Variants in RBPMS observed in about 807,000 individuals in gnomAD.
RBPMS encodes RNA binding protein, mRNA processing factor, also known as RNA-binding protein with multiple splicing.
Under a neutral mutation model 26.8 loss-of-function variants are expected in RBPMS, and 7 were observed. The observed-to-expected ratio is 0.26, with a 90% CI of 0.15 to 0.49. The LOEUF is 0.49. Among genes scored for constraint, RBPMS ranks in the 20% least tolerant of loss-of-function variants. RBPMS has a pLI of 0.98. For synonymous variants in RBPMS, 96 were observed against 93.3 expected (o/e 1.03, Z -0.17); for missense variants, 186 against 250.0 (o/e 0.74, Z 1.73).
intron 5 of RBPMS, among the ~76,000 whole-genome samples, chr8:30,523,331 C>T (rs759894290): frequency 2.0e-5 from 3 of 149,910 alleles, no homozygotes; most frequent in African/African-American, 4.9e-5. Flanking sequence ...GAGCTGAGAT[C>T]GTACCACTGC....
intron 1 of RBPMS, among the ~76,000 whole-genome samples, chr8:30,441,623 T>TC (rs925016639): frequency 8.5e-5 from 13 of 152,130 alleles, no homozygotes; most frequent in African/African-American, 2.4e-4. Flanking sequence ...ATTTTTTTTT[T>TC]CCCTCATACT....
chr8:30,530,164 C>T (rs1397095194), intron 5 of RBPMS, among the ~76,000 whole-genome samples: 3 of 152,186 alleles, frequency 2.0e-5, no homozygotes, highest in African/African-American at 7.2e-5. Context: ...CACCATTTGC[C>T]TATTGTACAG....
At chr8:30,427,802 C>T (rs1677187984) in intron 1 of RBPMS, among the ~76,000 whole-genome samples, 1 of 152,078 alleles carries the variant, frequency 6.6e-6, no homozygotes, top group African/African-American at 2.4e-5. Context: ...TGTGACTTGC[C>T]ATCTCTTTGT....
intron 1 of RBPMS, among the ~76,000 whole-genome samples, chr8:30,430,118 A>G (rs1165970015): frequency 1.3e-5 from 2 of 152,136 alleles, no homozygotes; most frequent in Middle Eastern, 3.2e-3. Context: ...CTCTACAAAA[A>G]TACAGAAATT....
intron 5 of RBPMS, among the ~76,000 whole-genome samples, chr8:30,537,323 T>G (rs536987227): frequency 6.6e-6 from 1 of 152,220 alleles, no homozygotes; most frequent in South Asian, 2.1e-4. Flanking sequence ...AATGGAAAAG[T>G]GACTCTGGGC....
At chr8:30,392,908 A>C (rs1807951979) in intron 1 of RBPMS, among the ~76,000 whole-genome samples, 1 of 152,224 alleles carries the variant, frequency 6.6e-6, no homozygotes, top group Non-Finnish European at 1.5e-5. Context: ...TACGATTTTC[A>C]GAACAATTCA....
At chr8:30,410,385 T>A (rs778285140) in intron 1 of RBPMS, among the ~76,000 whole-genome samples, 11 of 151,476 alleles carry the variant, frequency 7.3e-5, no homozygotes, top group Non-Finnish European at 5.9e-5. Flanking sequence ...ATTTTTTGTA[T>A]TTTTAGTAGA....
intron 8 of RBPMS, among the ~76,000 whole-genome samples, chr8:30,569,334 G>A (rs534003727): frequency 2.0e-5 from 3 of 152,318 alleles, no homozygotes; most frequent in African/African-American, 7.2e-5. Flanking sequence ...AAAGGTCTCA[G>A]GAAAATAATG....
At chr8:30,526,030 C>T (rs866294426) in intron 5 of RBPMS, among the ~76,000 whole-genome samples, 1 of 152,248 alleles carries the variant, frequency 6.6e-6, no homozygotes, top group East Asian at 1.9e-4. Context: ...TGATGAAAAG[C>T]CATTTCTGAT....
intron 1 of RBPMS, among the ~76,000 whole-genome samples, chr8:30,457,302 T>C (rs1400153285): frequency 6.6e-6 from 1 of 152,218 alleles, no homozygotes; most frequent in African/African-American, 2.4e-5. Context: ...TCTTTACAGA[T>C]ATATTACAAA....
At chr8:30,460,639 A>C (rs971490941) in intron 1 of RBPMS, among the ~76,000 whole-genome samples, 1 of 152,238 alleles carries the variant, frequency 6.6e-6, no homozygotes, top group Non-Finnish European at 1.5e-5. Context: ...GACTATAGCT[A>C]AGATTTCTTA....
intron 4 of RBPMS, among the ~76,000 whole-genome samples, chr8:30,485,484 G>A (rs1818680927): frequency 1.3e-5 from 2 of 152,174 alleles, no homozygotes; most frequent in African/African-American, 4.8e-5. Context: ...GAGATCATGG[G>A]CCTGATCTAG....
At chr8:30,541,928 T>C (rs975027599) in intron 5 of RBPMS, among the ~76,000 whole-genome samples, 2 of 152,216 alleles carry the variant, frequency 1.3e-5, no homozygotes, top group African/African-American at 4.8e-5. Flanking sequence ...TGTATGTGTG[T>C]GTTAGGAGAG....
intron 1 of RBPMS, among the ~76,000 whole-genome samples, chr8:30,441,777 A>T (rs1210994218): frequency 6.6e-6 from 1 of 152,142 alleles, no homozygotes; most frequent in Admixed American, 6.5e-5. Flanking sequence ...TTATTCGTGG[A>T]TTCTCTTAAT....
chr8:30,468,318 A>G (rs1008542326), intron 1 of RBPMS, among the ~76,000 whole-genome samples: 1 of 151,734 alleles, frequency 6.6e-6, no homozygotes, highest in African/African-American at 2.4e-5. Context: ...ATGGTCCTGA[A>G]TTTTTTTTGC....
chr8:30,418,249 TTC>T (rs952318410), intron 1 of RBPMS, among the ~76,000 whole-genome samples: 8 of 152,174 alleles, frequency 5.3e-5, no homozygotes, highest in African/African-American at 1.9e-4. Flanking sequence ...GAGATTGTGT[TTC>T]TTTTTCTTTT....
intron 8 of RBPMS, among the ~76,000 whole-genome samples, chr8:30,568,826 TAG>T (rs1322257455): frequency 1.5e-4 from 22 of 146,218 alleles, no homozygotes; most frequent in African/African-American, 6.1e-4. Context: ...GGGACTGAAA[TAG>T]CCACATTTTG....
chr8:30,563,025 A>G (rs957073910), intron 7 of RBPMS, among the ~76,000 whole-genome samples: 1 of 152,238 alleles, frequency 6.6e-6, no homozygotes, highest in African/African-American at 2.4e-5. Flanking sequence ...CAGGAGCTTA[A>G]GTTCTAATGG....
intron 1 of RBPMS, among the ~76,000 whole-genome samples, chr8:30,388,437 CTT>C (rs1392963295): frequency 1.4e-5 from 2 of 144,536 alleles, no homozygotes; most frequent in African/African-American, 5.0e-5. Context: ...TAACTTATAA[CTT>C]ATAGCTATAG....
Sources: allele counts gnomAD v4.1 joint callset (sites outside exome capture counted in the v4.1 genomes callset), GRCh38; gene constraint gnomAD v4.1.1; transcripts MANE v1.5; gene names NCBI Gene and HGNC (gene_info 2026-07-23, HGNC 2026-07-21).